The following LRPPRC variants were observed in gnomAD, a reference collection of about 807,000 sequenced individuals.
LRPPRC encodes leucine-rich PPR motif-containing protein, mitochondrial.
In LRPPRC, 120 loss-of-function variants were observed where a neutral mutation model predicts 180.3. That is an observed-to-expected ratio of 0.67 (90% CI 0.57 to 0.77). LRPPRC has a LOEUF of 0.77. Among genes scored for constraint, LRPPRC ranks in the 30% least tolerant of loss-of-function variants. LRPPRC has a pLI of 0.00. For synonymous variants in LRPPRC, 723 were observed against 600.0 expected (o/e 1.21, Z -3.00); for missense variants, 2,012 against 1,657.2 (o/e 1.21, Z -3.72).
In LRPPRC at chr2:43,985,868, C is replaced by G. The variant is rs183825976; in HGVS notation, c.150-3434G>C. Among the ~76,000 whole-genome samples, 307 of 152,244 alleles carry G rather than the reference C, an allele frequency of 2.0e-3. 1 individual carries two copies. In the Middle Eastern group the frequency reaches 0.02, roughly 10 times the overall value. On this transcript the variant is annotated intron_variant, in intron 1 of 37. Transcript: ENST00000260665. ...TACCTAATGGTAAATCTATGTTTAG[C>G]TTTCTAAGAAAACTATCAAACTATC... is the stretch of plus-strand genomic sequence containing the variant.
In LRPPRC at chr2:43,974,313, A is replaced by G. The variant is rs781672416; in HGVS notation, c.1010-18T>C. On this transcript the variant is annotated intron_variant, in intron 8 of 37. Transcript: ENST00000260665. ...CATTGCATCTGGGAAGAAAACAAAG[A>G]CATCTTTTGTTAATAAACTGAACAA... The G allele has an allele frequency of 1.3e-6, 2 of 1,588,180 alleles. No homozygotes were observed. The highest frequency in any genetic ancestry group is 1.3e-5 in the African/African-American group (1 of 74,614).
rs946479294 is a variant in LRPPRC, at chr2:43,889,840, T to C, written c.4022A>G (p.Tyr1341Cys). ...TGTATTCTTTGCAGTCAAATGTTCATACAGTGCTTTAGCAGATGTGACATC... is the reference window on the plus strand; with the variant it reads ...TGTATTCTTTGCAGTCAAATGTTCACACAGTGCTTTAGCAGATGTGACATC... The part of the protein sequence containing the change: ...EKDVTSAKAL[Y>C]EHLTAKNTKL... The change falls in exon 37 of 38, where the codon TAT becomes TGT. Residue 1341 changes from tyrosine (Y) to cysteine (C), a missense_variant. By Grantham distance (194) the Tyr-to-Cys change is radical. Transcript: ENST00000260665. The C allele has an allele frequency of 2.5e-6, 4 of 1,609,502 alleles. No homozygotes were observed. The highest frequency in any genetic ancestry group is 3.4e-6 in the Non-Finnish European group (4 of 1,175,716).
At chr2:43,912,585 T>C (rs1455625107) in intron 29 of LRPPRC, 27 bp from the exon 30 acceptor site, 2 of 1,590,610 alleles carry the variant, frequency 1.3e-6, no homozygotes, top group Admixed American at 1.7e-5. Context: ...ACAAAAAAAA[T>C]GAGATGACAT....
chr2:43,986,367 C>G lies in LRPPRC; in HGVS notation c.150-3933G>C, dbSNP rs552998386. On this transcript the variant is annotated intron_variant, in intron 1 of 37. Transcript: ENST00000260665. ...CTGGTCTCAAACTCCTGACCTCAAG[C>G]GATCCGCCCACCTTGGCCTCCCAAA... is the stretch of plus-strand genomic sequence containing the variant. Among the ~76,000 whole-genome samples, 8 of 152,186 alleles carry G rather than the reference C, an allele frequency of 5.3e-5. No homozygotes were observed. The South Asian group carries it at 1.7e-3, about 32-fold the overall frequency.
intron 23 of LRPPRC, 115 bp downstream of exon 23, chr2:43,943,572 G>T: frequency 1.2e-6 from 1 of 841,430 alleles, no homozygotes; most frequent in Non-Finnish European, 2.0e-6. Flanking sequence ...TTACTCTGTG[G>T]TAAATGACCT....
Position 43,973,519 on chromosome 2 carries a change from C to T in LRPPRC, c.1369+88G>A, listed in dbSNP as rs1030078827. 7 of 844,826 alleles carry T rather than the reference C, an allele frequency of 8.3e-6. No individual in the cohort carries two copies. The Admixed American group carries it at 1.2e-4, about 15-fold the overall frequency. The allele number at this position is 844,826 out of a possible 1,614,324, so 52.3% of individuals were successfully genotyped here. A position where few individuals can be genotyped will look rare whatever the true frequency, so the allele number is the denominator to read the frequency against. ...CTCATAATACTCAGGAATAAGTATGCTTTTCCAAAGAATCCAATTAGATGT... is the reference window on the plus strand; with the variant it reads ...CTCATAATACTCAGGAATAAGTATGTTTTTCCAAAGAATCCAATTAGATGT... On this transcript the variant is annotated intron_variant, in intron 11 of 37. Coordinates refer to ENST00000260665, the MANE Select transcript of LRPPRC (RefSeq NM_133259.4).
intron 1 of LRPPRC, among the ~76,000 whole-genome samples, chr2:43,995,348 C>G (rs1367000239): frequency 6.6e-6 from 1 of 152,220 alleles, no homozygotes; most frequent in Non-Finnish European, 1.5e-5. Context: ...CAACCCACTC[C>G]TCGCCGCCCC....
intron 33 of LRPPRC, 26 bp downstream of exon 33, chr2:43,899,440 T>C (rs765422843): frequency 6.2e-7 from 1 of 1,614,010 alleles, no homozygotes; most frequent in Non-Finnish European, 8.5e-7. Flanking sequence ...TGCTTGTGTG[T>C]TCTTTAGCAC....
In LRPPRC at chr2:43,894,547, T is replaced by C; in HGVS notation, c.3983A>G (p.Tyr1328Cys). 1 of 1,425,912 alleles carries C rather than the reference T, an allele frequency of 7.0e-7. No individual in the cohort carries two copies. The highest frequency in any genetic ancestry group is 1.2e-5 in the South Asian group (1 of 86,760). The allele number at this position is 1,425,912 out of a possible 1,614,324, so 88.3% of individuals were successfully genotyped here. ...TAGTCAAATTAAACTTATATTACCA[T>C]AGCTTTTCATGAGGGAATTGTATGC... ...EEAYNSLMKS[Y>C]VSEKDVTSAK... Residue 1328 changes from tyrosine to cysteine, a missense_variant and splice_region_variant, in exon 36 of 38, where the codon TAT becomes TGT. Tyr to Cys is a radical substitution (Grantham distance 194). Transcript: ENST00000260665.
At chr2:43,989,138 G>A (rs541074686) in intron 1 of LRPPRC, among the ~76,000 whole-genome samples, 2 of 152,266 alleles carry the variant, frequency 1.3e-5, no homozygotes, top group South Asian at 4.1e-4. Flanking sequence ...CTCTCAAAGT[G>A]CGGAGATTAC....
At position 43,982,317 on chromosome 2, in the gene LRPPRC, T is replaced by G; in HGVS notation, c.267A>C (p.Arg89Ser). The G allele has an allele frequency of 1.2e-6, 2 of 1,610,734 alleles. No individual in the cohort carries two copies. Among genetic ancestry groups the G allele is most frequent in the Non-Finnish European group, 1.7e-6 (2 of 1,178,928 alleles). ...CAGTTCTTCGAACAGAAAGATCTAGTCTCATTAGAGCCCAATCAAACTGAT... is the reference window on the plus strand; with the variant it reads ...CAGTTCTTCGAACAGAAAGATCTAGGCTCATTAGAGCCCAATCAAACTGAT... Reference protein sequence around the residue: ...ISNQFDWALMRLDLSVRRTGR... With the variant: ...ISNQFDWALMSLDLSVRRTGR... Residue 89 changes from arginine (R) to serine (S), a missense_variant, in exon 2 of 38, where the codon AGA becomes AGC. Transcript: ENST00000260665.
At chr2:43,896,045 C>T (rs1374840983) in intron 35 of LRPPRC, among the ~76,000 whole-genome samples, 1 of 151,892 alleles carries the variant, frequency 6.6e-6, no homozygotes, top group Non-Finnish European at 1.5e-5. Context: ...AATTTGAAAG[C>T]CAAGTGGCTC....
chr2:43,982,056 C>T lies in LRPPRC; in HGVS notation c.346+182G>A, dbSNP rs191060425. Among the ~76,000 whole-genome samples the T allele has an allele frequency of 4.3e-4, 66 of 152,156 alleles. No homozygotes were observed. In the Middle Eastern group the frequency reaches 0.014, roughly 31 times the overall value. ...CCAAGTAGTTGGGACTACAGGCACG[C>T]GCCACCATGCCTGGCTAATTTTTGT... On this transcript the variant is annotated intron_variant, in intron 2 of 37. Transcript: ENST00000260665.
chr2:43,961,527 A>C (rs993511120), intron 12 of LRPPRC, among the ~76,000 whole-genome samples: 5 of 152,216 alleles, frequency 3.3e-5, no homozygotes, highest in African/African-American at 1.2e-4. Context: ...CATGCTAAGC[A>C]ATGACTATCT....
At chr2:43,905,599 A>G in intron 31 of LRPPRC, 93 bp downstream of exon 31, 1 of 903,170 alleles carries the variant, frequency 1.1e-6, no homozygotes. Flanking sequence ...GTAATTTGCT[A>G]AATGGACTCC....
intron 31 of LRPPRC, chr2:43,904,382 A>C (rs886490687): frequency 2.0e-5 from 3 of 151,998 alleles, no homozygotes; most frequent in African/African-American, 7.2e-5. Flanking sequence ...CTTCCTCTCA[A>C]GGATGTGAAC....
At position 43,899,299 on chromosome 2, in the gene LRPPRC, CA is replaced by C; in HGVS notation, c.3744del (p.Phe1248LeufsTer57). On this transcript the variant is annotated frameshift_variant, in exon 34 of 38. Coordinates refer to ENST00000260665, the MANE Select transcript of LRPPRC (RefSeq NM_133259.4). LOFTEE classifies it high-confidence loss of function. The stretch of plus-strand genomic sequence containing the variant: ...AAATCAGTGACAGGTTTATAAATTG[CA>C]AACTGATTGGCCAATCTCTCCGCCA... ...SIMAERLANQ[F>X]AIYKPVTDFF... The C allele has an allele frequency of 6.2e-7, 1 of 1,614,100 alleles. No individual in the cohort carries two copies. The highest frequency in any genetic ancestry group is 8.5e-7 in the Non-Finnish European group (1 of 1,179,992).
At chr2:43,950,861 G>C (rs986601508) in intron 14 of LRPPRC, among the ~76,000 whole-genome samples, 32 of 152,296 alleles carry the variant, frequency 2.1e-4, no homozygotes, top group African/African-American at 7.7e-4. Context: ...CCTGAGGTCA[G>C]GAGTTTGAGA....
intron 14 of LRPPRC, among the ~76,000 whole-genome samples, chr2:43,950,817 C>T (rs1035728246): frequency 7.9e-5 from 12 of 152,228 alleles, no homozygotes; most frequent in Non-Finnish European, 1.6e-4. Context: ...CATCTGCAAT[C>T]CCAGCACTTT....
Sources: gnomAD v4.1 joint callset for allele counts (sites outside exome capture counted in the v4.1 genomes callset) on GRCh38, gnomAD v4.1.1 for gene constraint, MANE v1.5 for transcripts, NCBI Gene and HGNC (gene_info 2026-07-23, HGNC 2026-07-21) for gene names.